ASIC5: variants seen among roughly 807,000 people sequenced by gnomAD.
The protein encoded by ASIC5 is bile acid-sensitive ion channel.
In ASIC5, 52 loss-of-function variants were observed where a neutral mutation model predicts 51.2. The observed-to-expected ratio is 1.02, with a 90% CI of 0.81 to 1.28. ASIC5 has a LOEUF of 1.28. Among genes scored for constraint, ASIC5 ranks in the 50% most tolerant of loss-of-function variants. ASIC5 has a pLI of 0.00. For missense variants in ASIC5, 635 were observed against 595.0 expected (o/e 1.07, Z -0.70); for synonymous variants, 231 against 200.7 (o/e 1.15, Z -1.28).
intron 4 of ASIC5, among the ~76,000 whole-genome samples, chr4:155,844,769 G>A (rs901697265): frequency 6.6e-6 from 1 of 151,918 alleles, no homozygotes; most frequent in African/African-American, 2.4e-5. Flanking sequence ...GAATCACATG[G>A]GGGTGTCTGG....
At chr4:155,855,736 A>G (rs1227669789) in intron 2 of ASIC5, among the ~76,000 whole-genome samples, 2 of 149,716 alleles carry the variant, frequency 1.3e-5, no homozygotes, top group East Asian at 3.9e-4. Context: ...GTGTATATAT[A>G]TACATATATA....
At chr4:155,856,370 A>G (rs1448845693) in intron 2 of ASIC5, among the ~76,000 whole-genome samples, 1 of 152,098 alleles carries the variant, frequency 6.6e-6, no homozygotes, top group Non-Finnish European at 1.5e-5. Flanking sequence ...CAGTCAAGGT[A>G]GGGCATACAC....
At chr4:155,855,386 T>C (rs542998737) in intron 2 of ASIC5, 90 of 152,232 alleles carry the variant, frequency 5.9e-4, no homozygotes, top group African/African-American at 2.1e-3. Flanking sequence ...AAGTAATCTA[T>C]TTAACTTAAC....
chr4:155,862,663 C>A (rs1166777141), intron 2 of ASIC5, among the ~76,000 whole-genome samples: 1 of 152,112 alleles, frequency 6.6e-6, no homozygotes, highest in Non-Finnish European at 1.5e-5. Flanking sequence ...GGACTCAAGA[C>A]ACTGGCAGTA....
At chr4:155,842,157 G>A in intron 6 of ASIC5, 50 bp downstream of exon 6, 3 of 1,548,634 alleles carry the variant, frequency 1.9e-6, no homozygotes, top group Middle Eastern at 1.7e-4. Context: ...AACCCTCTAA[G>A]AAACACTTAA....
At chr4:155,833,507 G>A (rs1021413009) in intron 8 of ASIC5, among the ~76,000 whole-genome samples, 2 of 152,130 alleles carry the variant, frequency 1.3e-5, no homozygotes, top group Non-Finnish European at 2.9e-5. Flanking sequence ...AGTAACAGGA[G>A]AATGTACTAT....
chr4:155,863,853 G>C, intron 1 of ASIC5, 99 bp from the exon 2 acceptor site: 7 of 949,244 alleles, frequency 7.4e-6, no homozygotes, highest in Non-Finnish European at 9.2e-6. Context: ...TTAAAGAGGT[G>C]ACTCTTTTTA....
At chr4:155,860,551 G>T (rs995736530) in intron 2 of ASIC5, among the ~76,000 whole-genome samples, 1 of 151,716 alleles carries the variant, frequency 6.6e-6, no homozygotes, top group African/African-American at 2.4e-5. Flanking sequence ...ATTATACTTT[G>T]GGAGCTGGAG....
intron 7 of ASIC5, among the ~76,000 whole-genome samples, chr4:155,837,393 A>T (rs1048892236): frequency 1.3e-5 from 2 of 152,080 alleles, no homozygotes; most frequent in Non-Finnish European, 1.5e-5. Flanking sequence ...CTGTTCAGTG[A>T]TCTCTCTTGG....
chr4:155,853,021 T>C (rs1436318398), intron 3 of ASIC5, among the ~76,000 whole-genome samples: 3 of 152,024 alleles, frequency 2.0e-5, no homozygotes, highest in African/African-American at 7.2e-5. Context: ...TTGGAGTCCG[T>C]TGGTTCAGCA....
intron 9 of ASIC5, among the ~76,000 whole-genome samples, chr4:155,831,564 G>A (rs1456030069): frequency 1.3e-5 from 2 of 152,166 alleles, no homozygotes; most frequent in African/African-American, 4.8e-5. Flanking sequence ...GGGGTCAGGA[G>A]ATCGAGACCA....
intron 8 of ASIC5, among the ~76,000 whole-genome samples, chr4:155,834,984 G>A (rs1468948211): frequency 3.9e-5 from 6 of 152,038 alleles, no homozygotes; most frequent in Non-Finnish European, 7.4e-5. Context: ...ACCCCCTTCT[G>A]GCTCCTGATC....
At position 155,831,706 on chromosome 4, in the gene ASIC5, G is replaced by A. The variant is rs542108149; in HGVS notation, c.1327+118C>T. ...GAATGGTGTGAACCCCCTGGGAAGC[G>A]GAGCTTGCAGTAAGCCAAGATGGCG... On this transcript the variant is annotated intron_variant, in intron 9 of 9. Coordinates refer to ENST00000537611, the MANE Select transcript of ASIC5 (RefSeq NM_017419.3). 148 of 575,866 alleles carry A rather than the reference G, an allele frequency of 2.6e-4. 1 individual carries two copies. Among genetic ancestry groups the A allele is most frequent in the Middle Eastern group, 1.5e-3 (3 of 1,990 alleles). 35.7% of individuals were successfully genotyped at this position (575,866 alleles called of 1,614,324 possible).
intron 8 of ASIC5, 71 bp from the exon 9 acceptor site, chr4:155,831,986 G>T (rs374635793): frequency 1.3e-6 from 1 of 783,242 alleles, no homozygotes; most frequent in Non-Finnish European, 2.1e-6. Context: ...TCGAATAAAG[G>T]TAATATTCAT....
chr4:155,854,097 CA>C lies in ASIC5; in HGVS notation c.564del (p.Phe188LeufsTer35), dbSNP rs763887005. The C allele has an allele frequency of 6.2e-7, 1 of 1,612,128 alleles. No homozygotes were observed. Among genetic ancestry groups the C allele is most frequent in the South Asian group, 1.1e-5 (1 of 90,820 alleles). On this transcript the variant is annotated frameshift_variant, in exon 3 of 10. Transcript: ENST00000537611. LOFTEE classifies it high-confidence loss of function. ...NNSTLLDCEFFGKPCSPKDFA... is the reference protein window; with the variant it reads ...NNSTLLDCEFXGKPCSPKDFA... ...GTTACCTTTGGGCTACATGGCTTTCCAAAAAACTCACAGTCCAACAAAGTGC... is the reference window on the plus strand; with the variant it reads ...GTTACCTTTGGGCTACATGGCTTTCCAAAAACTCACAGTCCAACAAAGTGC...
At position 155,852,249 on chromosome 4, in the gene ASIC5, G is replaced by T. The variant is rs371189803; in HGVS notation, c.653C>A (p.Ala218Glu). The T allele has an allele frequency of 3.7e-6, 6 of 1,607,890 alleles. No homozygotes were observed. The African/African-American group carries it at 6.7e-5, about 18-fold the overall frequency. The change falls in exon 4 of 10, where the codon GCA becomes GAA. Residue 218 changes from alanine to glutamate, a missense_variant. By Grantham distance (107) the Ala-to-Glu change is moderately radical (BLOSUM62 -1). Transcript: ENST00000537611. ...FTFNHGETLQ[A>E]KRKVSVSGRG... Reference sequence around the variant, plus strand: ...TCCAGAGACACTCACTTTTCTCTTTGCTTGGAGAGTTTCACCATGATTAAA... The same window carrying T: ...TCCAGAGACACTCACTTTTCTCTTTTCTTGGAGAGTTTCACCATGATTAAA...
intron 5 of ASIC5, among the ~76,000 whole-genome samples, chr4:155,843,028 A>C (rs1458746807): frequency 6.6e-6 from 1 of 152,040 alleles, no homozygotes; most frequent in Non-Finnish European, 1.5e-5. Flanking sequence ...CCCAATGTGC[A>C]GGTGGGCATT....
At chr4:155,830,076 C>T in intron 9 of ASIC5, 30 bp from the exon 10 acceptor site, 1 of 1,395,366 alleles carries the variant, frequency 7.2e-7, no homozygotes, top group South Asian at 1.5e-5. Flanking sequence ...GATTGAATGT[C>T]ATTATTTTTC....
At chr4:155,864,788 T>C (rs879773758) in intron 1 of ASIC5, 2 of 152,284 alleles carry the variant, frequency 1.3e-5, no homozygotes, top group Admixed American at 6.5e-5. Flanking sequence ...GCTATTTTTA[T>C]TATTCTGCTA....
Sources: gnomAD v4.1 joint callset for allele counts (sites outside exome capture counted in the v4.1 genomes callset) on GRCh38, gnomAD v4.1.1 for gene constraint, MANE v1.5 for transcripts, NCBI Gene and HGNC (gene_info 2026-07-23, HGNC 2026-07-21) for gene names.